ANK2: variants seen among roughly 807,000 people sequenced by gnomAD.
The protein encoded by ANK2 is ankyrin 2.
A neutral mutation model predicts 360.5 loss-of-function variants in ANK2; 83 were observed. That is an observed-to-expected ratio of 0.23 (90% CI 0.19 to 0.28). ANK2 has a LOEUF of 0.28. Ranked by LOEUF, ANK2 falls within the 10% of genes least tolerant of loss-of-function variation. ANK2 has a pLI of 1.00. For synonymous variants in ANK2, 1,740 were observed against 1,759.5 expected, an observed-to-expected ratio of 0.99 and a Z score of 0.28; for missense variants, 4,201 against 4,795.7, an observed-to-expected ratio of 0.88 and a Z score of 3.66.
intron 1 of ANK2, among the ~76,000 whole-genome samples, chr4:112,826,016 G>A (rs767688395): frequency 6.6e-5 from 10 of 152,178 alleles, no homozygotes; most frequent in South Asian, 2.1e-4. Context: ...GAAGGTCAAC[G>A]AGTAACTTTT....
the ANK2 span, among the ~76,000 whole-genome samples, chr4:112,764,339 T>C: frequency 2.6e-5 from 4 of 152,146 alleles, no homozygotes; most frequent in Non-Finnish European, 4.4e-5. Context: ...TGATGCTCTC[T>C]GTATTTTTTT....
intron 2 of ANK2, among the ~76,000 whole-genome samples, chr4:113,012,833 TG>T (rs35538084): frequency 3.7e-4 from 56 of 152,304 alleles, no homozygotes; most frequent in African/African-American, 1.3e-3. Flanking sequence ...ATTCAAGACC[TG>T]GGTGCGTCGT....
At chr4:112,808,425 G>C in the ANK2 span, among the ~76,000 whole-genome samples, 1 of 152,164 alleles carries the variant, frequency 6.6e-6, no homozygotes, top group Non-Finnish European at 1.5e-5. Context: ...ACTCCAGAGA[G>C]CAGAACTAAA....
chr4:113,350,349 T>A (rs1393743180), intron 37 of ANK2, 100 bp downstream of exon 37: 1 of 959,736 alleles, frequency 1.0e-6, no homozygotes, highest in Non-Finnish European at 1.6e-6. Context: ...ACCACTATAG[T>A]AATTACATTT....
rs779497168 is a variant in ANK2 at position 113,332,111 on chromosome 4, C to T, written c.3224+41C>T. On this transcript the variant is annotated intron_variant, in intron 28 of 45. Coordinates refer to ENST00000357077, the MANE Select transcript of ANK2 (RefSeq NM_001148.6). ...AACAAATTGATGGCTGCTGGCCCCC[C>T]ATTCTTCTCCTTCTTCTGCAATATG... 8 of 1,485,816 alleles carry T rather than the reference C, an allele frequency of 5.4e-6. No individual in the cohort carries two copies. In the East Asian group the frequency reaches 1.4e-4, roughly 25 times the overall value. The allele number at this position is 1,485,816 out of a possible 1,614,324, so 92.0% of individuals were successfully genotyped here.
chr4:113,320,186 T>C (rs1056372869), intron 26 of ANK2, among the ~76,000 whole-genome samples: 3 of 152,218 alleles, frequency 2.0e-5, no homozygotes, highest in Non-Finnish European at 4.4e-5. Flanking sequence ...GGTGCACTAC[T>C]TATGATGAAC....
chr4:112,962,340 C>T (rs2035253955), intron 2 of ANK2, among the ~76,000 whole-genome samples: 2 of 152,090 alleles, frequency 1.3e-5, no homozygotes, highest in African/African-American at 4.8e-5. Flanking sequence ...ATTATGGGCT[C>T]CATCTCCATC....
intron 45 of ANK2, among the ~76,000 whole-genome samples, chr4:113,381,108 C>A (rs983865826): frequency 3.3e-5 from 5 of 152,108 alleles, no homozygotes; most frequent in Non-Finnish European, 5.9e-5. Context: ...TAACCAAACT[C>A]TATTAAGTAA....
chr4:112,911,714 A>G (rs1036129926), intron 2 of ANK2, among the ~76,000 whole-genome samples: 3 of 152,184 alleles, frequency 2.0e-5, no homozygotes, highest in African/African-American at 7.2e-5. Flanking sequence ...GTTGCTCTAT[A>G]TATTTTGTCA....
At chr4:112,887,717 C>G (rs910334702) in intron 1 of ANK2, among the ~76,000 whole-genome samples, 40 of 151,684 alleles carry the variant, frequency 2.6e-4, no homozygotes, top group African/African-American at 8.9e-4. Context: ...AGAGATTGGT[C>G]TTCTTTCCTG....
Position 113,373,059 on chromosome 4 carries a change from C to G in ANK2, c.11611-31C>G, listed in dbSNP as rs372496163. ...AGTTCCTCAGAATTGGTGCCAAACA[C>G]CACAGTGACCCTTTTCTCTCAACTG... On this transcript the variant is annotated intron_variant, in intron 43 of 45. Coordinates refer to ENST00000357077, the MANE Select transcript of ANK2 (RefSeq NM_001148.6). 40 of 1,585,184 alleles carry G rather than the reference C, an allele frequency of 2.5e-5. No homozygotes were observed. The African/African-American group carries it at 4.8e-4, about 19-fold the overall frequency.
At chr4:113,024,433 T>A (rs1455776663) in intron 2 of ANK2, among the ~76,000 whole-genome samples, 1 of 152,174 alleles carries the variant, frequency 6.6e-6, no homozygotes, top group Non-Finnish European at 1.5e-5. Context: ...ACAAAAATTT[T>A]TAAAGGATAC....
intron 1 of ANK2, among the ~76,000 whole-genome samples, chr4:112,844,527 G>A (rs538951128): frequency 6.6e-6 from 1 of 152,278 alleles, no homozygotes; most frequent in Non-Finnish European, 1.5e-5. Context: ...AGCAATGTCA[G>A]GTGTGTACTT....
chr4:113,312,604 C>T (rs972424767), intron 24 of ANK2, among the ~76,000 whole-genome samples: 1 of 151,976 alleles, frequency 6.6e-6, no homozygotes, highest in Non-Finnish European at 1.5e-5. Context: ...GCCACTGAAG[C>T]CCTGAGGCTC....
intron 1 of ANK2, among the ~76,000 whole-genome samples, chr4:112,853,777 A>G (rs2065628456): frequency 6.6e-6 from 1 of 152,340 alleles, no homozygotes; most frequent in South Asian, 2.1e-4. Context: ...GAATGGGGGA[A>G]ATCTAGGAGA....
chr4:112,721,241 A>T, the ANK2 span, among the ~76,000 whole-genome samples: 1 of 152,118 alleles, frequency 6.6e-6, no homozygotes, highest in Non-Finnish European at 1.5e-5. Flanking sequence ...GGAGCTGATT[A>T]AAAGTTTGGC....
chr4:113,218,996 T>G (rs1278333589), intron 4 of ANK2, among the ~76,000 whole-genome samples: 1 of 152,174 alleles, frequency 6.6e-6, no homozygotes, highest in African/African-American at 2.4e-5. Flanking sequence ...GTTATTGACT[T>G]AATTTTCTCA....
At chr4:113,097,910 G>GTA (rs137973621) in intron 1 of ANK2, among the ~76,000 whole-genome samples, 39,409 of 139,536 alleles carry the variant, frequency 0.28, 6,573 homozygotes, top group African/African-American at 0.44. Flanking sequence ...ACATATATAT[G>GTA]TATATATACA....
At position 113,060,123 on chromosome 4, in the gene ANK2, T is replaced by C. The variant is rs1327684814; in HGVS notation, c.84+10311T>C. On this transcript the variant is annotated intron_variant, in intron 1 of 45. Coordinates refer to ENST00000357077, the MANE Select transcript of ANK2 (RefSeq NM_001148.6). ...GTCATATGAGGGGAAATGATACTAA[T>C]AGAATGACAGTCAAATAGGGGTCTT... Among the ~76,000 whole-genome samples, 3 of 152,092 alleles carry C rather than the reference T, an allele frequency of 2.0e-5. No individual in the cohort carries two copies. The East Asian group carries it at 5.8e-4, about 29-fold the overall frequency.
Sources: allele counts gnomAD v4.1 joint callset (sites outside exome capture counted in the v4.1 genomes callset), GRCh38; gene constraint gnomAD v4.1.1; transcripts MANE v1.5; gene names NCBI Gene and HGNC (gene_info 2026-07-23, HGNC 2026-07-21).